HECW2: variants seen among roughly 807,000 people sequenced by gnomAD.
HECW2 encodes the protein HECT, C2 and WW domain containing E3 ubiquitin protein ligase 2.
A neutral mutation model predicts 175.2 loss-of-function variants in HECW2; 61 were observed. The ratio of observed to expected loss-of-function variants is 0.35; its 90% CI spans 0.28 to 0.43. HECW2 has a LOEUF of 0.43. Ranked by LOEUF, HECW2 falls within the 20% of genes least tolerant of loss-of-function variation. The pLI is 1.00. For missense variants in HECW2, 1,524 were observed against 2,000.5 expected, an observed-to-expected ratio of 0.76 and a Z score of 4.54; for synonymous variants, 671 against 731.0, an observed-to-expected ratio of 0.92 and a Z score of 1.32.
At chr2:196,549,140 T>C (rs1301156356) in intron 1 of HECW2, among the ~76,000 whole-genome samples, 1 of 152,194 alleles carries the variant, frequency 6.6e-6, no homozygotes, top group Non-Finnish European at 1.5e-5. Context: ...TAAAAGCCTT[T>C]TTATTGGAAA....
chr2:196,343,280 C>T (rs557274528), intron 3 of HECW2, among the ~76,000 whole-genome samples: 1 of 152,154 alleles, frequency 6.6e-6, no homozygotes, highest in East Asian at 1.9e-4. Flanking sequence ...CTTATAATAC[C>T]TAACATAAAT....
In HECW2 at chr2:196,344,195, G is replaced by A. The variant is rs78002712; in HGVS notation, c.293-431C>T. On this transcript the variant is annotated intron_variant, in intron 2 of 28. Transcript: ENST00000644978. ...ATGAACAAAAGGGACGTTAAGCTAC[G>A]AAAGTGAGTCAAGATACAGCACAGC... is the stretch of plus-strand genomic sequence containing the variant. 3.0e-3 allele frequency among the ~76,000 whole-genome samples: 462 copies of A among 152,214 alleles called. 3 individuals carry two copies. The highest frequency in any genetic ancestry group is 0.011 in the African/African-American group (446 of 41,530).
chr2:196,285,078 A>G (rs529047557), intron 14 of HECW2, among the ~76,000 whole-genome samples: 4 of 152,250 alleles, frequency 2.6e-5, no homozygotes, highest in Non-Finnish European at 5.9e-5. Flanking sequence ...GGGCATAGTC[A>G]GAGTCAGGAA....
At position 196,448,239 on chromosome 2, in the gene HECW2, T is replaced by A. The variant is rs992045143; in HGVS notation, c.-35-14781A>T. Among the ~76,000 whole-genome samples the A allele has an allele frequency of 2.0e-5, 3 of 152,194 alleles. No individual in the cohort carries two copies. The East Asian group carries it at 5.8e-4, about 29-fold the overall frequency. ...TTTACTCTGCAATTTGGCTTCCCAA[T>A]CAATGTAAATAGATTTACTTTAAGA... On this transcript the variant is annotated intron_variant, in intron 1 of 28. Transcript: ENST00000644978.
At chr2:196,353,152 G>A (rs1300866392) in intron 2 of HECW2, among the ~76,000 whole-genome samples, 1 of 152,022 alleles carries the variant, frequency 6.6e-6, no homozygotes, top group Non-Finnish European at 1.5e-5. Context: ...TGTCCCCAAA[G>A]GTGTGGTCAG....
In HECW2 at chr2:196,544,925, G is replaced by A. The variant is rs947206092; in HGVS notation, c.-36+48583C>T. ...GTTCAGATTTTGCTTCTTAGCCAGG[G>A]AAGCTTAGAAACCCCATGAGTTGCC... On this transcript the variant is annotated intron_variant, in intron 1 of 28. Transcript: ENST00000644978. Among the ~76,000 whole-genome samples, 5 of 152,178 alleles carry A rather than the reference G, an allele frequency of 3.3e-5. No individual in the cohort carries two copies. In the East Asian group the frequency reaches 9.6e-4, roughly 29 times the overall value.
intron 1 of HECW2, among the ~76,000 whole-genome samples, chr2:196,590,692 T>C (rs1233769722): frequency 6.6e-6 from 1 of 152,146 alleles, no homozygotes; most frequent in African/African-American, 2.4e-5. Context: ...ACTGGGAAGA[T>C]CCCAAAAGCC....
In HECW2 at chr2:196,547,532, T is replaced by C. The variant is rs1338360300; in HGVS notation, c.-36+45976A>G. Among the ~76,000 whole-genome samples, 7 of 152,220 alleles carry C rather than the reference T, an allele frequency of 4.6e-5. No homozygotes were observed. The South Asian group carries it at 1.0e-3, about 22-fold the overall frequency. ...TTACAAATAAAGATTTGCTTTCATG[T>C]CTGAGGGTGGGGGCATTGATAGGAG... On this transcript the variant is annotated intron_variant, in intron 1 of 28. Coordinates refer to ENST00000644978, the MANE Select transcript of HECW2 (RefSeq NM_001348768.2).
intron 1 of HECW2, among the ~76,000 whole-genome samples, chr2:196,455,671 T>C (rs1488199051): frequency 1.3e-5 from 2 of 152,154 alleles, no homozygotes; most frequent in African/African-American, 4.8e-5. Context: ...GTACTAAACA[T>C]TTTACATTAA....
intron 1 of HECW2, among the ~76,000 whole-genome samples, chr2:196,573,307 G>C (rs1690449758): frequency 6.6e-6 from 1 of 151,142 alleles, no homozygotes; most frequent in Non-Finnish European, 1.5e-5. Context: ...TCAAAAATAG[G>C]CTTACAACAT....
intron 1 of HECW2, among the ~76,000 whole-genome samples, chr2:196,581,703 G>C (rs1187912303): frequency 6.6e-6 from 1 of 152,160 alleles, no homozygotes; most frequent in East Asian, 1.9e-4. Flanking sequence ...ACTTTATTTT[G>C]TCTTATAATC....
chr2:196,247,397 G>A (rs922336923), intron 19 of HECW2, among the ~76,000 whole-genome samples: 1 of 152,200 alleles, frequency 6.6e-6, no homozygotes, highest in Non-Finnish European at 1.5e-5. Context: ...GTTCTTGGAA[G>A]ATTGCGCTAA....
At chr2:196,225,714 A>C in intron 23 of HECW2, 58 bp downstream of exon 23, 1 of 1,131,840 alleles carries the variant, frequency 8.8e-7, no homozygotes, top group Admixed American at 1.8e-5. Context: ...GAATTTTTTC[A>C]AAAAAGTAAA....
At chr2:196,528,375 A>G (rs1178506519) in intron 1 of HECW2, among the ~76,000 whole-genome samples, 3 of 152,226 alleles carry the variant, frequency 2.0e-5, no homozygotes, top group Admixed American at 6.5e-5. Flanking sequence ...CGTATATTAA[A>G]TTACATAAAA....
intron 1 of HECW2, among the ~76,000 whole-genome samples, chr2:196,507,483 T>C: frequency 6.6e-6 from 1 of 152,224 alleles, no homozygotes; most frequent in South Asian, 2.1e-4. Context: ...GCTACTAGCA[T>C]ACAGTAGTTA....
At chr2:196,273,434 G>A (rs574585702) in intron 16 of HECW2, among the ~76,000 whole-genome samples, 29 of 152,224 alleles carry the variant, frequency 1.9e-4, no homozygotes, top group African/African-American at 6.5e-4. Flanking sequence ...CACTCCACCT[G>A]CCTCAGGCGC....
At chr2:196,438,936 T>C (rs1467922065) in intron 1 of HECW2, among the ~76,000 whole-genome samples, 1 of 152,122 alleles carries the variant, frequency 6.6e-6, no homozygotes, top group Non-Finnish European at 1.5e-5. Flanking sequence ...GGGGAGGAGA[T>C]GAAGTGGGGA....
intron 1 of HECW2, among the ~76,000 whole-genome samples, chr2:196,558,038 A>G (rs562567823): frequency 6.6e-6 from 1 of 152,228 alleles, no homozygotes; most frequent in African/African-American, 2.4e-5. Context: ...TGTAAGGTAG[A>G]TACTAATCCT....
At chr2:196,457,905 A>G (rs1388628448) in intron 1 of HECW2, among the ~76,000 whole-genome samples, 1 of 152,230 alleles carries the variant, frequency 6.6e-6, no homozygotes, top group Non-Finnish European at 1.5e-5. Flanking sequence ...ATAAAGCATT[A>G]TGGTATTTGA....
Sources: allele counts gnomAD v4.1 joint callset (sites outside exome capture counted in the v4.1 genomes callset), GRCh38; gene constraint gnomAD v4.1.1; transcripts MANE v1.5; gene names NCBI Gene and HGNC (gene_info 2026-07-23, HGNC 2026-07-21).